The following KIAA1671 variants were observed in gnomAD, a reference collection of about 807,000 sequenced individuals.
KIAA1671 encodes the protein KIAA1671, also known as uncharacterized protein KIAA1671.
A neutral mutation model predicts 131.2 loss-of-function variants in KIAA1671; 52 were observed. The observed-to-expected ratio is 0.40, with a 90% CI of 0.32 to 0.50. The LOEUF (loss-of-function observed/expected upper bound fraction) is 0.50, where lower values mean the gene tolerates loss of function less well. KIAA1671 is among the 20% of genes least tolerant of loss of function. KIAA1671 has a pLI of 0.73. For synonymous variants in KIAA1671, 1,003 were observed against 961.6 expected, an observed-to-expected ratio of 1.04 and a Z score of -0.80; for missense variants, 2,360 against 2,364.2, an observed-to-expected ratio of 1.00 and a Z score of 0.04.
At chr22:25,050,503 G>C (rs1216930485) in intron 6 of KIAA1671, 2 of 152,224 alleles carry the variant, frequency 1.3e-5, no homozygotes, top group African/African-American at 2.4e-5. Flanking sequence ...GGAGACATAT[G>C]ATTTTGTGCT....
At chr22:25,142,550 G>A (rs1932821505) in intron 6 of KIAA1671, among the ~76,000 whole-genome samples, 1 of 152,124 alleles carries the variant, frequency 6.6e-6, no homozygotes. Flanking sequence ...GAGGTGAGTG[G>A]GATGTTGTCC....
chr22:24,976,610 G>A (rs989309395), intron 1 of KIAA1671, among the ~76,000 whole-genome samples: 5 of 152,162 alleles, frequency 3.3e-5, no homozygotes, highest in African/African-American at 9.6e-5. Context: ...AGAGCCCACC[G>A]GGCTGGTCGC....
chr22:25,102,395 A>T (rs1258027643), intron 6 of KIAA1671: 2 of 150,250 alleles, frequency 1.3e-5, no homozygotes, highest in African/African-American at 5.1e-5. Context: ...AGATGATAGG[A>T]ATTATAATAG....
chr22:25,012,174 C>G (rs1925074411), intron 1 of KIAA1671: 1 of 152,132 alleles, frequency 6.6e-6, no homozygotes, highest in East Asian at 1.9e-4. Context: ...GGTGATTTTC[C>G]CTGTTCAGAT....
chr22:25,006,768 G>A (rs777924982), intron 1 of KIAA1671, among the ~76,000 whole-genome samples: 3 of 151,932 alleles, frequency 2.0e-5, no homozygotes, highest in Non-Finnish European at 2.9e-5. Context: ...CTTGGGTTTC[G>A]GCCCCACATC....
intron 6 of KIAA1671, among the ~76,000 whole-genome samples, chr22:25,122,643 C>G (rs755500051): frequency 1.3e-4 from 20 of 152,130 alleles, no homozygotes; most frequent in Non-Finnish European, 2.5e-4. Context: ...TGGACTAAGC[C>G]CCACTTTGCC....
intron 6 of KIAA1671, among the ~76,000 whole-genome samples, chr22:25,159,032 A>ACC (rs1297652957): frequency 1.3e-5 from 2 of 152,116 alleles, no homozygotes; most frequent in East Asian, 3.9e-4. Flanking sequence ...TACCTCTGAC[A>ACC]CCCACAGCGC....
At chr22:25,012,669 A>G (rs554192890) in intron 1 of KIAA1671, 1 of 152,330 alleles carries the variant, frequency 6.6e-6, no homozygotes, top group Non-Finnish European at 1.5e-5. Flanking sequence ...CTTTAAGTAG[A>G]AAAATAACAG....
intron 2 of KIAA1671, 81 bp from the exon 3 acceptor site, chr22:25,027,864 C>T (rs1430404016): frequency 1.4e-6 from 1 of 708,806 alleles, no homozygotes; most frequent in Non-Finnish European, 2.3e-6. Context: ...GGACTCTGTC[C>T]CATTTCTCTA....
At chr22:25,145,660 C>T (rs897700446) in intron 6 of KIAA1671, among the ~76,000 whole-genome samples, 4 of 152,314 alleles carry the variant, frequency 2.6e-5, no homozygotes, top group African/African-American at 4.8e-5. Flanking sequence ...AGCTAGAGGC[C>T]GGGCACAATG....
At chr22:25,012,561 C>T (rs1180410323) in intron 1 of KIAA1671, 1 of 152,164 alleles carries the variant, frequency 6.6e-6, no homozygotes. Flanking sequence ...GTGTAAGCCA[C>T]CATGCCCGGC....
At chr22:25,075,037 A>G (rs998469685) in intron 6 of KIAA1671, among the ~76,000 whole-genome samples, 2 of 152,222 alleles carry the variant, frequency 1.3e-5, no homozygotes, top group Admixed American at 6.5e-5. Context: ...GGTTCCCCTA[A>G]TGTTAGCATG....
intron 1 of KIAA1671, among the ~76,000 whole-genome samples, chr22:25,003,466 C>T (rs148733085): frequency 0.017 from 2,323 of 133,986 alleles, 29 homozygotes; most frequent in Non-Finnish European, 0.02. Flanking sequence ...GGCTGGAGTG[C>T]AGTGGAACAA....
chr22:25,110,576 G>A (rs974737181), intron 6 of KIAA1671, among the ~76,000 whole-genome samples: 2 of 152,202 alleles, frequency 1.3e-5, no homozygotes, highest in African/African-American at 2.4e-5. Context: ...CTGCTAGAAG[G>A]AGAAACCTCC....
intron 11 of KIAA1671, among the ~76,000 whole-genome samples, chr22:25,187,951 T>C (rs1001349919): frequency 2.0e-5 from 3 of 152,210 alleles, no homozygotes; most frequent in African/African-American, 7.2e-5. Flanking sequence ...AGAAAATTCA[T>C]TGAGCTGTGC....
intron 1 of KIAA1671, among the ~76,000 whole-genome samples, chr22:24,953,050 A>G (rs1052160597): frequency 6.6e-6 from 1 of 152,190 alleles, no homozygotes; most frequent in African/African-American, 2.4e-5. Flanking sequence ...GATCCCGCAC[A>G]GGGCAACCAA....
At chr22:25,151,233 C>A (rs1568981377) in intron 6 of KIAA1671, among the ~76,000 whole-genome samples, 1 of 151,516 alleles carries the variant, frequency 6.6e-6, no homozygotes, top group African/African-American at 2.4e-5. Flanking sequence ...AGCATCCCAT[C>A]CCCTGGAAAT....
intron 4 of KIAA1671, among the ~76,000 whole-genome samples, chr22:25,033,599 G>A (rs1334085834): frequency 7.9e-4 from 4 of 5,070 alleles, no homozygotes; most frequent in Admixed American, 1.2e-3. Flanking sequence ...TTTTTTTTTT[G>A]ATGGAGTCTC....
In KIAA1671 at chr22:25,196,010, G is replaced by A. The variant is rs913868156; in HGVS notation, c.*3609G>A. Reference sequence around the variant, plus strand: ...TCCCATTAGCGAGTGGGGGACTCTTGCTGTGTGCTAAGAGGCTGCTAGGAC... The same window carrying A: ...TCCCATTAGCGAGTGGGGGACTCTTACTGTGTGCTAAGAGGCTGCTAGGAC... On this transcript the variant is annotated 3_prime_UTR_variant, in exon 13 of 13. Coordinates refer to ENST00000358431, the MANE Select transcript of KIAA1671 (RefSeq NM_001145206.2). 6.6e-6 allele frequency: 1 copy of A among 152,112 alleles called. No homozygotes were observed. Among genetic ancestry groups the A allele is most frequent in the Non-Finnish European group, 1.5e-5 (1 of 68,032 alleles). 9.4% of individuals were successfully genotyped at this position (152,112 alleles called of 1,614,324 possible).
Sources: allele counts gnomAD v4.1 joint callset (sites outside exome capture counted in the v4.1 genomes callset), GRCh38; gene constraint gnomAD v4.1.1; transcripts MANE v1.5; gene names NCBI Gene and HGNC (gene_info 2026-07-23, HGNC 2026-07-21).